FBXL17: variants seen among roughly 807,000 people sequenced by gnomAD.
The protein encoded by FBXL17 is F-box and leucine rich repeat protein 17.
In FBXL17, 22 loss-of-function variants were observed where a neutral mutation model predicts 66.2. That is an observed-to-expected ratio of 0.33 (90% CI 0.24 to 0.47). The LOEUF (loss-of-function observed/expected upper bound fraction) is 0.47. FBXL17 is among the 20% of genes least tolerant of loss of function. The probability of loss-of-function intolerance (pLI) is 1.00; values close to 1 mark genes in which losing one functional copy is unlikely to be tolerated. For synonymous variants in FBXL17, 474 were observed against 400.5 expected (o/e 1.18, Z -2.19); for missense variants, 878 against 948.2 (o/e 0.93, Z 0.97).
At chr5:108,011,984 A>G (rs1218443258) in intron 7 of FBXL17, among the ~76,000 whole-genome samples, 1 of 152,232 alleles carries the variant, frequency 6.6e-6, no homozygotes, top group Non-Finnish European at 1.5e-5. Context: ...TCTGCACTTT[A>G]AAGCTACTAT....
rs925972997 is a variant in FBXL17 at position 108,157,343 on chromosome 5, G to A, written c.1745+28774C>T. Among the ~76,000 whole-genome samples the A allele has an allele frequency of 1.4e-4, 22 of 151,816 alleles. No individual in the cohort carries two copies. In the East Asian group the frequency reaches 1.9e-3, roughly 13 times the overall value. On this transcript the variant is annotated intron_variant, in intron 6 of 8. Coordinates refer to ENST00000542267, the MANE Select transcript of FBXL17 (RefSeq NM_001163315.3). ...ACACAGTAGTATTAATACACATTCC[G>A]TGAACAAATGTCCTAAAATTCTAAA...
chr5:107,886,996 C>T (rs958620191), intron 7 of FBXL17, among the ~76,000 whole-genome samples: 4 of 151,022 alleles, frequency 2.6e-5, no homozygotes, highest in Admixed American at 2.6e-4. Flanking sequence ...ATGTGGGGTC[C>T]TGAGTTAGAT....
intron 4 of FBXL17, among the ~76,000 whole-genome samples, chr5:108,308,258 A>G (rs796650807): frequency 6.6e-6 from 1 of 152,132 alleles, no homozygotes; most frequent in Non-Finnish European, 1.5e-5. Flanking sequence ...AGAAATAACA[A>G]TAACAAGTAA....
At chr5:107,885,875 T>C (rs1267482436) in intron 7 of FBXL17, among the ~76,000 whole-genome samples, 1 of 152,070 alleles carries the variant, frequency 6.6e-6, no homozygotes, top group African/African-American at 2.4e-5. Flanking sequence ...GAAGAAAAGA[T>C]ACTTCTTGTA....
intron 1 of FBXL17, among the ~76,000 whole-genome samples, chr5:108,369,073 C>T (rs1388555400): frequency 6.6e-6 from 1 of 152,142 alleles, no homozygotes; most frequent in African/African-American, 2.4e-5. Context: ...AAATGACAGA[C>T]AGAACTCCAT....
intron 8 of FBXL17, among the ~76,000 whole-genome samples, chr5:107,864,678 C>T (rs1027388411): frequency 6.6e-6 from 1 of 152,166 alleles, no homozygotes; most frequent in African/African-American, 2.4e-5. Flanking sequence ...CCAACTCTCT[C>T]TCTTGCTCCC....
intron 4 of FBXL17, among the ~76,000 whole-genome samples, chr5:108,270,651 A>C (rs1019025834): frequency 4.6e-5 from 7 of 151,894 alleles, no homozygotes; most frequent in Admixed American, 3.9e-4. Context: ...TCTCAGTATG[A>C]TGTTTGTTTC....
intron 6 of FBXL17, among the ~76,000 whole-genome samples, chr5:108,103,201 G>A (rs1749666139): frequency 6.6e-6 from 1 of 152,206 alleles, no homozygotes; most frequent in Non-Finnish European, 1.5e-5. Flanking sequence ...AATTTGGAAA[G>A]CAATCAGAGC....
intron 4 of FBXL17, among the ~76,000 whole-genome samples, chr5:108,268,657 T>G (rs1349213588): frequency 2.0e-5 from 3 of 152,060 alleles, no homozygotes; most frequent in Admixed American, 6.6e-5. Context: ...AAGAAACGCA[T>G]TTTCTTTAAA....
intron 6 of FBXL17, among the ~76,000 whole-genome samples, chr5:108,096,414 G>T (rs993902810): frequency 1.3e-5 from 2 of 152,124 alleles, no homozygotes; most frequent in African/African-American, 4.8e-5. Context: ...GTCTTTGGTG[G>T]CAGTTCAAAA....
intron 7 of FBXL17, among the ~76,000 whole-genome samples, chr5:107,973,202 T>C (rs951569184): frequency 6.6e-6 from 1 of 152,212 alleles, no homozygotes; most frequent in Non-Finnish European, 1.5e-5. Context: ...TAAACGTGCC[T>C]TATGCAGAGC....
At chr5:108,199,907 TG>T (rs1470705807) in intron 5 of FBXL17, among the ~76,000 whole-genome samples, 2 of 152,058 alleles carry the variant, frequency 1.3e-5, no homozygotes, top group African/African-American at 4.8e-5. Flanking sequence ...AAACTGGATA[TG>T]GTAGCGTAAG....
intron 7 of FBXL17, among the ~76,000 whole-genome samples, chr5:108,005,108 T>C (rs1753875788): frequency 1.4e-5 from 2 of 148,096 alleles, no homozygotes; most frequent in East Asian, 1.9e-4. Context: ...TTTTTTTTTT[T>C]CTGTTTTGCT....
intron 6 of FBXL17, among the ~76,000 whole-genome samples, chr5:108,163,959 T>G (rs1752317826): frequency 6.6e-6 from 1 of 152,178 alleles, no homozygotes; most frequent in African/African-American, 2.4e-5. Flanking sequence ...AATAAACTAT[T>G]TTTCCAGATT....
At chr5:107,917,771 G>C (rs1580710647) in intron 7 of FBXL17, among the ~76,000 whole-genome samples, 1 of 152,164 alleles carries the variant, frequency 6.6e-6, no homozygotes, top group African/African-American at 2.4e-5. Context: ...TTAAGTGCTT[G>C]ATTTAGAATT....
intron 5 of FBXL17, among the ~76,000 whole-genome samples, chr5:108,190,942 C>T (rs954823166): frequency 2.0e-5 from 3 of 152,198 alleles, no homozygotes; most frequent in African/African-American, 7.2e-5. Flanking sequence ...AGATGCTGGG[C>T]AGCTTTCTGG....
intron 3 of FBXL17, among the ~76,000 whole-genome samples, chr5:108,350,107 A>G (rs1323158228): frequency 1.3e-5 from 2 of 152,230 alleles, no homozygotes; most frequent in Non-Finnish European, 2.9e-5. Flanking sequence ...AACTAAATCC[A>G]AAGCCAACAG....
chr5:108,054,902 CT>C (rs989030766), intron 6 of FBXL17, among the ~76,000 whole-genome samples: 4 of 152,038 alleles, frequency 2.6e-5, no homozygotes, highest in African/African-American at 9.7e-5. Flanking sequence ...CATTTAGAGT[CT>C]TCTTATGTTT....
chr5:108,366,485 G>A (rs1053891894), intron 2 of FBXL17, among the ~76,000 whole-genome samples: 8 of 151,170 alleles, frequency 5.3e-5, no homozygotes, highest in Non-Finnish European at 8.9e-5. Context: ...CACAGTTCTC[G>A]GAAAAGTTAT....
Sources: gnomAD v4.1 joint callset for allele counts (sites outside exome capture counted in the v4.1 genomes callset) on GRCh38, gnomAD v4.1.1 for gene constraint, MANE v1.5 for transcripts, NCBI Gene and HGNC (gene_info 2026-07-23, HGNC 2026-07-21) for gene names.